The following IKZF2 variants were observed in gnomAD, a reference collection of about 807,000 sequenced individuals.
The protein encoded by IKZF2 is zinc finger protein Helios.
IKZF2 carries 15 observed loss-of-function variants against 49.2 expected under a neutral mutation model. That is an observed-to-expected ratio of 0.30 (90% CI 0.20 to 0.47). The LOEUF (loss-of-function observed/expected upper bound fraction) is 0.47. Ranked by LOEUF, IKZF2 falls within the 20% of genes least tolerant of loss-of-function variation. The probability of loss-of-function intolerance (pLI) is 1.00; values close to 1 mark genes in which losing one functional copy is unlikely to be tolerated. For synonymous variants in IKZF2, 227 were observed against 221.4 expected (o/e 1.03, Z -0.23); for missense variants, 567 against 664.6 (o/e 0.85, Z 1.61).
chr2:213,111,361 T>C (rs1220468685), intron 4 of IKZF2, among the ~76,000 whole-genome samples: 1 of 152,094 alleles, frequency 6.6e-6, no homozygotes, highest in Non-Finnish European at 1.5e-5. Context: ...CCATTTTAAG[T>C]ACGCTTCTGC....
intron 4 of IKZF2, among the ~76,000 whole-genome samples, chr2:213,127,668 T>C (rs1264467723): frequency 1.3e-5 from 2 of 152,186 alleles, no homozygotes; most frequent in Non-Finnish European, 2.9e-5. Flanking sequence ...AGTCCTAGCA[T>C]AAAGACAGCT....
At chr2:213,131,105 T>A (rs1412598747) in intron 4 of IKZF2, among the ~76,000 whole-genome samples, 1 of 152,146 alleles carries the variant, frequency 6.6e-6, no homozygotes, top group African/African-American at 2.4e-5. Flanking sequence ...AATGTTGGGA[T>A]AAAACTGGGG....
At chr2:213,056,496 G>A in intron 5 of IKZF2, 1 of 395,338 alleles carries the variant, frequency 2.5e-6, no homozygotes, top group Non-Finnish European at 4.8e-6. Context: ...TATATTACCT[G>A]CCCATGGGTA....
chr2:213,119,904 C>T (rs1458834734), intron 4 of IKZF2, among the ~76,000 whole-genome samples: 2 of 152,168 alleles, frequency 1.3e-5, no homozygotes, highest in Non-Finnish European at 2.9e-5. Flanking sequence ...CTCACTTATT[C>T]GACTTTAGTG....
At chr2:213,011,759 C>T (rs923674438) in intron 8 of IKZF2, among the ~76,000 whole-genome samples, 8 of 150,198 alleles carry the variant, frequency 5.3e-5, no homozygotes, top group African/African-American at 2.0e-4. Context: ...TATATTGATG[C>T]CAACTCATCA....
intron 7 of IKZF2, chr2:213,021,742 A>C (rs1026496642): frequency 3.6e-6 from 2 of 549,144 alleles, no homozygotes; most frequent in Non-Finnish European, 3.4e-6. Context: ...AATGAAAAAG[A>C]AGAGTAAATA....
chr2:213,041,959 G>A (rs1187774359), intron 6 of IKZF2, among the ~76,000 whole-genome samples: 1 of 152,150 alleles, frequency 6.6e-6, no homozygotes, highest in African/African-American at 2.4e-5. Context: ...TGTGGTAGTA[G>A]TGACTGATTA....
chr2:213,077,421 C>A (rs1703388266), intron 4 of IKZF2, among the ~76,000 whole-genome samples: 1 of 151,922 alleles, frequency 6.6e-6, no homozygotes, highest in South Asian at 2.1e-4. Context: ...CATGAACTAC[C>A]TCTTATCTAT....
rs116785211 is a variant in IKZF2, at chr2:213,061,552, T to C, written c.140-4453A>G. On this transcript the variant is annotated intron_variant, in intron 4 of 8. Coordinates refer to ENST00000434687, the MANE Select transcript of IKZF2 (RefSeq NM_001387220.1). ...CATAAGAATGAAAAGGATAATAAAA[T>C]GCACAACAGTCATTACATACATTTG... is the stretch of plus-strand genomic sequence containing the variant. 9.9e-3 allele frequency among the ~76,000 whole-genome samples: 1,496 copies of C among 150,854 alleles called. 29 individuals are homozygous for C. Among genetic ancestry groups the C allele is most frequent in the African/African-American group, 0.034 (1,420 of 41,318 alleles).
At chr2:213,143,169 C>T (rs1012923657) in intron 4 of IKZF2, among the ~76,000 whole-genome samples, 1 of 151,742 alleles carries the variant, frequency 6.6e-6, no homozygotes, top group African/African-American at 2.4e-5. Context: ...GAGAAGAGCA[C>T]GGAACCCAGA....
chr2:213,091,461 T>C (rs1036368737), intron 4 of IKZF2, among the ~76,000 whole-genome samples: 35 of 152,256 alleles, frequency 2.3e-4, no homozygotes, highest in Non-Finnish European at 5.9e-5. Flanking sequence ...TGAAAACAGA[T>C]CTCAGGTTGT....
At chr2:213,086,539 G>T (rs1704620524) in intron 4 of IKZF2, among the ~76,000 whole-genome samples, 1 of 152,134 alleles carries the variant, frequency 6.6e-6, no homozygotes, top group African/African-American at 2.4e-5. Context: ...AGGTGAGTAT[G>T]ATTATTTTTC....
At chr2:213,092,217 T>G (rs1574815933) in intron 4 of IKZF2, among the ~76,000 whole-genome samples, 2 of 151,938 alleles carry the variant, frequency 1.3e-5, no homozygotes, top group Non-Finnish European at 2.9e-5. Context: ...TTTGTAGAGA[T>G]GAGATCTCCC....
rs765956778 is a variant in IKZF2 at position 213,049,706 on chromosome 2, C to T, written c.574+7G>A. ...ACTTTTCTTCTCAAGGAGTTGGTGACACTTACCAGAATGGGTCCTGAGGTG... is the reference window on the plus strand; with the variant it reads ...ACTTTTCTTCTCAAGGAGTTGGTGATACTTACCAGAATGGGTCCTGAGGTG... On this transcript the variant is annotated splice_region_variant and intron_variant, in intron 6 of 8. Transcript: ENST00000434687. 1.8e-5 allele frequency: 28 copies of T among 1,546,890 alleles called. No homozygotes were observed. Among genetic ancestry groups the T allele is most frequent in the Admixed American group, 3.8e-5 (2 of 52,212 alleles).
intron 4 of IKZF2, among the ~76,000 whole-genome samples, chr2:213,064,591 G>C (rs1017771220): frequency 2.6e-5 from 4 of 151,984 alleles, no homozygotes; most frequent in African/African-American, 9.7e-5. Flanking sequence ...CGGACAACTA[G>C]TTCATGAGAA....
At chr2:213,135,333 TATGA>T (rs1157771306) in intron 4 of IKZF2, among the ~76,000 whole-genome samples, 1 of 152,220 alleles carries the variant, frequency 6.6e-6, no homozygotes, top group African/African-American at 2.4e-5. Flanking sequence ...CACTTCATGC[TATGA>T]ATGAATATTA....
intron 4 of IKZF2, among the ~76,000 whole-genome samples, chr2:213,077,340 A>G (rs1434868712): frequency 2.6e-5 from 4 of 152,258 alleles, no homozygotes; most frequent in African/African-American, 7.2e-5. Context: ...TCTTTTTTCC[A>G]TCACAGAAAT....
intron 4 of IKZF2, among the ~76,000 whole-genome samples, chr2:213,129,077 T>G (rs749971997): frequency 4.6e-5 from 7 of 151,904 alleles, no homozygotes; most frequent in Non-Finnish European, 1.0e-4. Context: ...GTTTGCTTTA[T>G]AGACACACAC....
At chr2:213,115,060 T>C (rs1231951832) in intron 4 of IKZF2, among the ~76,000 whole-genome samples, 4 of 152,286 alleles carry the variant, frequency 2.6e-5, no homozygotes, top group South Asian at 2.1e-4. Flanking sequence ...ACAGTTATAG[T>C]AGGTAATGCT....
Sources: gnomAD v4.1 joint callset for allele counts (sites outside exome capture counted in the v4.1 genomes callset) on GRCh38, gnomAD v4.1.1 for gene constraint, MANE v1.5 for transcripts, NCBI Gene and HGNC (gene_info 2026-07-23, HGNC 2026-07-21) for gene names.